The following BIRC6 variants were observed in gnomAD, a reference collection of about 807,000 sequenced individuals.
BIRC6 encodes dual E2 ubiquitin-conjugating enzyme/E3 ubiquitin-protein ligase BIRC6.
A neutral mutation model predicts 503.3 loss-of-function variants in BIRC6; 98 were observed. That is an observed-to-expected ratio of 0.19 (90% CI 0.17 to 0.23). The LOEUF (loss-of-function observed/expected upper bound fraction) is 0.23, where lower values mean the gene tolerates loss of function less well. Ranked by LOEUF, BIRC6 falls within the 10% of genes least tolerant of loss-of-function variation. The pLI is 1.00. For synonymous variants in BIRC6, 2,240 were observed against 2,078.7 expected, an observed-to-expected ratio of 1.08 and a Z score of -2.11; for missense variants, 5,360 against 5,806.0, an observed-to-expected ratio of 0.92 and a Z score of 2.50.
intron 57 of BIRC6, among the ~76,000 whole-genome samples, chr2:32,520,105 T>A (rs889175820): frequency 5.9e-5 from 9 of 152,186 alleles, no homozygotes; most frequent in Non-Finnish European, 1.2e-4. Context: ...AGCTGTGAAC[T>A]GAAGCAAGAA....
In BIRC6 at chr2:32,392,105, G is replaced by A; in HGVS notation, c.906G>A (p.Arg302=). The part of the protein sequence containing the change: ...TFTSWPHVGY[R]WAQPDPMAQA... ...CCTCATGGCCTCATGTAGGCTATAG[G>A]TGGGCACAACCAGATCCCATGGCTC... is the stretch of plus-strand genomic sequence containing the variant. The change falls in exon 5 of 74, where the codon AGG becomes AGA. Residue 302 remains arginine, a synonymous_variant. Coordinates refer to ENST00000421745, the MANE Select transcript of BIRC6 (RefSeq NM_016252.4). 6.3e-7 allele frequency: 1 copy of A among 1,598,686 alleles called. No individual in the cohort carries two copies. Among genetic ancestry groups the A allele is most frequent in the Non-Finnish European group, 8.5e-7 (1 of 1,171,960 alleles).
chr2:32,536,368 T>G (rs542894513), intron 61 of BIRC6, among the ~76,000 whole-genome samples: 3,469 of 152,302 alleles, frequency 0.023, 73 homozygotes, highest in African/African-American at 0.059. Flanking sequence ...GTTTTAGACA[T>G]GACGTCCTTG....
At chr2:32,512,080 ATGTT>A (rs1368978993) in intron 53 of BIRC6, among the ~76,000 whole-genome samples, 10 of 152,158 alleles carry the variant, frequency 6.6e-5, no homozygotes, top group African/African-American at 1.4e-4. Flanking sequence ...TAAAACATGA[ATGTT>A]TGTTATATAA....
At position 32,597,693 on chromosome 2, in the gene BIRC6, T is replaced by G. The variant is rs193008592; in HGVS notation, c.13613-58T>G. ...AGAAGGACTAGTGATTGTTTGTGAT[T>G]TTTGTCATTATAACAATTTTTTGCA... is the stretch of plus-strand genomic sequence containing the variant. On this transcript the variant is annotated intron_variant, in intron 68 of 73. Transcript: ENST00000421745. 4.7e-5 allele frequency: 61 copies of G among 1,293,466 alleles called. No individual in the cohort carries two copies. The Middle Eastern group carries it at 9.3e-4, about 20-fold the overall frequency. The allele number at this position is 1,293,466 out of a possible 1,614,324, so 80.1% of individuals were successfully genotyped here. A position where few individuals can be genotyped will look rare whatever the true frequency, so the allele number is the denominator to read the frequency against.
At chr2:32,523,668 G>A (rs1012576368) in intron 57 of BIRC6, 10 of 152,192 alleles carry the variant, frequency 6.6e-5, no homozygotes, top group Non-Finnish European at 1.5e-4. Flanking sequence ...TGTAAAATGA[G>A]AGTTATTACA....
intron 22 of BIRC6, among the ~76,000 whole-genome samples, chr2:32,453,262 A>G (rs1024772582): frequency 1.3e-5 from 2 of 152,216 alleles, no homozygotes; most frequent in African/African-American, 4.8e-5. Flanking sequence ...TTTTATGACC[A>G]TGAAGTAGTG....
intron 26 of BIRC6, among the ~76,000 whole-genome samples, chr2:32,466,467 T>G (rs1416490445): frequency 6.6e-6 from 1 of 152,184 alleles, no homozygotes; most frequent in Non-Finnish European, 1.5e-5. Context: ...CCTTTTTCAG[T>G]GGTATTTTGA....
intron 71 of BIRC6, 146 bp from the exon 72 acceptor site, chr2:32,607,309 A>G (rs571509349): frequency 7.2e-6 from 4 of 553,170 alleles, no homozygotes; most frequent in Non-Finnish European, 1.2e-5. Flanking sequence ...AAATATTTCA[A>G]TGTTATAATC....
At chr2:32,533,801 G>A (rs2056973795) in intron 61 of BIRC6, among the ~76,000 whole-genome samples, 1 of 152,172 alleles carries the variant, frequency 6.6e-6, no homozygotes. Context: ...GCCTCCAGAA[G>A]CAATGCATCC....
At chr2:32,384,090 C>T (rs1047664400) in intron 3 of BIRC6, among the ~76,000 whole-genome samples, 3 of 152,184 alleles carry the variant, frequency 2.0e-5, no homozygotes, top group African/African-American at 7.2e-5. Flanking sequence ...TGTTGTTGTA[C>T]CCCTGCTGGA....
intron 10 of BIRC6, among the ~76,000 whole-genome samples, chr2:32,418,474 TA>T (rs2042609222): frequency 1.3e-5 from 2 of 152,214 alleles, no homozygotes; most frequent in Non-Finnish European, 2.9e-5. Flanking sequence ...CAGAGCACTT[TA>T]AATGGCATTA....
At chr2:32,472,535 G>A (rs2049221141) in intron 32 of BIRC6, among the ~76,000 whole-genome samples, 1 of 152,218 alleles carries the variant, frequency 6.6e-6, no homozygotes, top group African/African-American at 2.4e-5. Context: ...AGGTAGGAAA[G>A]AGAGAAAAAT....
chr2:32,374,078 A>T (rs1404435901), intron 1 of BIRC6, among the ~76,000 whole-genome samples: 4 of 152,176 alleles, frequency 2.6e-5, no homozygotes, highest in African/African-American at 9.7e-5. Flanking sequence ...TTACTGTTTA[A>T]AGCGTACAGA....
At chr2:32,513,455 G>C (rs1204177997) in intron 54 of BIRC6, among the ~76,000 whole-genome samples, 1 of 152,100 alleles carries the variant, frequency 6.6e-6, no homozygotes, top group African/African-American at 2.4e-5. Flanking sequence ...TATCTTTAAT[G>C]TACAACTCTG....
At chr2:32,487,994 A>T (rs2366893) in intron 41 of BIRC6, among the ~76,000 whole-genome samples, 193 bp downstream of exon 41, 152,272 of 152,278 alleles carry the variant, frequency 1, 76,133 homozygotes, top group Middle Eastern at 1. Context: ...ATAATTTTTA[A>T]GATTTTTAGC....
chr2:32,473,684 C>A (rs559543896), intron 33 of BIRC6, among the ~76,000 whole-genome samples: 3 of 135,644 alleles, frequency 2.2e-5, no homozygotes, highest in African/African-American at 8.3e-5. Context: ...GTTTCTTTTT[C>A]CATGTCTTTT....
intron 33 of BIRC6, among the ~76,000 whole-genome samples, chr2:32,473,817 A>G (rs1382162478): frequency 6.9e-6 from 1 of 145,382 alleles, no homozygotes; most frequent in East Asian, 2.0e-4. Flanking sequence ...CAGTGGAACA[A>G]TCATAGTTCA....
At position 32,570,864 on chromosome 2, in the gene BIRC6, C is replaced by T. The variant is rs112412299; in HGVS notation, c.13145-4292C>T. Among the ~76,000 whole-genome samples, 679 of 152,184 alleles carry T rather than the reference C, an allele frequency of 4.5e-3. 5 individuals carry two copies. The highest frequency in any genetic ancestry group is 0.022 in the East Asian group (115 of 5,178). On this transcript the variant is annotated intron_variant, in intron 65 of 73. Coordinates refer to ENST00000421745, the MANE Select transcript of BIRC6 (RefSeq NM_016252.4). ...CCAGGCTAGGGTGCAATGGTGTCAT[C>T]GTAGCCCACTTTAGCCTCAAACTCC...
At chr2:32,560,647 C>A (rs1200092950) in intron 65 of BIRC6, among the ~76,000 whole-genome samples, 1 of 152,120 alleles carries the variant, frequency 6.6e-6, no homozygotes, top group Non-Finnish European at 1.5e-5. Context: ...GTGGTGTGCT[C>A]ATAGGGCACT....
Sources: allele counts gnomAD v4.1 joint callset (sites outside exome capture counted in the v4.1 genomes callset), GRCh38; gene constraint gnomAD v4.1.1; transcripts MANE v1.5; gene names NCBI Gene and HGNC (gene_info 2026-07-23, HGNC 2026-07-21).